The following FXR1 variants were observed in gnomAD, a reference collection of about 807,000 sequenced individuals.
FXR1 encodes the protein FMR1 autosomal homolog 1, also known as RNA-binding protein FXR1.
Under a neutral mutation model 84.0 loss-of-function variants are expected in FXR1, and 15 were observed. That is an observed-to-expected ratio of 0.18 (90% confidence interval 0.12 to 0.27). The LOEUF is 0.27. FXR1 is among the 10% of genes least tolerant of loss of function. The pLI is 1.00. For synonymous variants in FXR1, 245 were observed against 250.7 expected (o/e 0.98, Z 0.21); for missense variants, 480 against 774.4 (o/e 0.62, Z 4.51).
intron 1 of FXR1, among the ~76,000 whole-genome samples, chr3:180,922,645 C>T (rs961823720): frequency 3.9e-5 from 6 of 152,142 alleles, no homozygotes; most frequent in Non-Finnish European, 7.3e-5. Context: ...ATAAATAATA[C>T]TGTGTCACCC....
chr3:180,935,359 A>G, intron 3 of FXR1, 128 bp downstream of exon 3: 1 of 597,728 alleles, frequency 1.7e-6, no homozygotes, highest in Non-Finnish European at 3.0e-6. Flanking sequence ...TATTGGTGGT[A>G]ATAGCTGTGT....
chr3:180,916,797 G>C (rs1238694139), intron 1 of FXR1, among the ~76,000 whole-genome samples: 1 of 152,120 alleles, frequency 6.6e-6, no homozygotes, highest in East Asian at 1.9e-4. Flanking sequence ...GAACCTGTAA[G>C]CTCTGAGATT....
chr3:180,925,854 T>C (rs1336024777), intron 1 of FXR1, among the ~76,000 whole-genome samples: 3 of 152,230 alleles, frequency 2.0e-5, no homozygotes, highest in African/African-American at 7.2e-5. Flanking sequence ...GCATGAATTA[T>C]GTTAGTACCT....
At chr3:180,964,673 T>TTATACA (rs1553777576) in intron 13 of FXR1, among the ~76,000 whole-genome samples, 1 of 136,356 alleles carries the variant, frequency 7.3e-6, no homozygotes, top group East Asian at 2.1e-4. Flanking sequence ...TGTAGTTGAT[T>TTATACA]TATATATATA....
At chr3:180,970,091 T>A in intron 14 of FXR1, 67 bp from the exon 15 acceptor site, 1 of 832,290 alleles carries the variant, frequency 1.2e-6, no homozygotes, top group Non-Finnish European at 2.1e-6. Flanking sequence ...TATAGTTCAA[T>A]ATAGATCAAA....
chr3:180,935,268 T>C, intron 3 of FXR1, 37 bp downstream of exon 3: 2 of 915,250 alleles, frequency 2.2e-6, no homozygotes, highest in Non-Finnish European at 3.6e-6. Context: ...GTGTCTATTT[T>C]TTTGATTTAA....
At chr3:180,930,615 A>T (rs1576914402) in intron 1 of FXR1, among the ~76,000 whole-genome samples, 1 of 152,316 alleles carries the variant, frequency 6.6e-6, no homozygotes, top group Non-Finnish European at 1.5e-5. Context: ...GATGGAAGAG[A>T]TGCTTTACTA....
At chr3:180,950,034 G>A (rs1347236167) in intron 7 of FXR1, among the ~76,000 whole-genome samples, 1 of 152,164 alleles carries the variant, frequency 6.6e-6, no homozygotes, top group African/African-American at 2.4e-5. Context: ...AGGAGGACTA[G>A]GAGTGAGGCA....
chr3:180,970,385 T>TATATAC lies in FXR1; in HGVS notation c.1603+32_1603+33insCATATA, dbSNP rs1553778960. 10 of 43,696 alleles carry TATATAC rather than the reference T, an allele frequency of 2.3e-4. No homozygotes were observed. The South Asian group carries it at 8.4e-3, about 37-fold the overall frequency. 2.7% of individuals were successfully genotyped at this position (43,696 alleles called of 1,614,324 possible). ...TATGTAAGCACTTAGGGAAGAGAAA[T>TATATAC]ATATATATATATATATATATATATA... is the stretch of plus-strand genomic sequence containing the variant. On this transcript the variant is annotated intron_variant, in intron 15 of 16. Coordinates refer to ENST00000357559, the MANE Select transcript of FXR1 (RefSeq NM_005087.4).
In FXR1 at chr3:180,949,359, T is replaced by TA; in HGVS notation, c.630+17dup. 3 of 1,122,846 alleles carry TA rather than the reference T, an allele frequency of 2.7e-6. No individual in the cohort carries two copies. Among genetic ancestry groups the TA allele is most frequent in the Admixed American group, 3.4e-5 (2 of 59,448 alleles). 69.6% of individuals were successfully genotyped at this position (1,122,846 alleles called of 1,614,324 possible). A position where few individuals can be genotyped will look rare whatever the true frequency, so the allele number is the denominator to read the frequency against. ...GCATTTAGAAGTAAGTGGGTTTACT[T>TA]ACAAAAGAGTTTTCTGTGTCCCATT... is the stretch of plus-strand genomic sequence containing the variant. On this transcript the variant is annotated intron_variant, in intron 7 of 16. Transcript: ENST00000357559.
In FXR1 at chr3:180,951,800, G is replaced by A. The variant is rs187019877; in HGVS notation, c.801+332G>A. On this transcript the variant is annotated intron_variant, in intron 8 of 16. Coordinates refer to ENST00000357559, the MANE Select transcript of FXR1 (RefSeq NM_005087.4). ...TACTGTGTGCCAGGCACTGGCAGGA[G>A]TAAATGGCATATATTAGAATAGCTT... is the stretch of plus-strand genomic sequence containing the variant. Among the ~76,000 whole-genome samples, 25 of 152,340 alleles carry A rather than the reference G, an allele frequency of 1.6e-4. No homozygotes were observed. The South Asian group carries it at 4.1e-3, about 25-fold the overall frequency.
intron 8 of FXR1, among the ~76,000 whole-genome samples, chr3:180,953,043 A>G (rs750757646): frequency 5.9e-5 from 9 of 152,032 alleles, no homozygotes; most frequent in Non-Finnish European, 1.0e-4. Flanking sequence ...GAGGTTTCCT[A>G]TGTTGCCCAG....
intron 3 of FXR1, among the ~76,000 whole-genome samples, chr3:180,947,270 C>T (rs1243565785): frequency 1.3e-5 from 2 of 152,188 alleles, no homozygotes; most frequent in East Asian, 3.9e-4. Flanking sequence ...TTGTCTCGAA[C>T]TCCTGACCTC....
intron 5 of FXR1, 23 bp downstream of exon 5, chr3:180,948,518 G>A: frequency 6.6e-7 from 1 of 1,516,630 alleles, no homozygotes; most frequent in Non-Finnish European, 9.1e-7. Flanking sequence ...ATATACTATT[G>A]AATTGTTCTG....
At position 180,976,810 on chromosome 3, in the gene FXR1, A is replaced by G. The variant is rs1246385891; in HGVS notation, c.*518A>G. ...ATGCTGTATGTAGAGGAAAATCTGC[A>G]GACCACTGGAATACATTTGTTAAAC... On this transcript the variant is annotated 3_prime_UTR_variant, in exon 17 of 17. Coordinates refer to ENST00000357559, the MANE Select transcript of FXR1 (RefSeq NM_005087.4). 6.6e-6 allele frequency: 1 copy of G among 152,654 alleles called. No individual in the cohort carries two copies. Among genetic ancestry groups the G allele is most frequent in the Admixed American group, 6.5e-5 (1 of 15,284 alleles). The allele number at this position is 152,654 out of a possible 1,614,324, so 9.5% of individuals were successfully genotyped here. A position where few individuals can be genotyped will look rare whatever the true frequency, so the allele number is the denominator to read the frequency against.
intron 3 of FXR1, among the ~76,000 whole-genome samples, chr3:180,945,468 A>G (rs749442410): frequency 1.3e-5 from 2 of 152,164 alleles, no homozygotes; most frequent in Non-Finnish European, 2.9e-5. Context: ...GTAGTGGTAC[A>G]ATCTTGGCTC....
At chr3:180,947,491 A>G (rs912676131) in intron 3 of FXR1, among the ~76,000 whole-genome samples, 1 of 152,226 alleles carries the variant, frequency 6.6e-6, no homozygotes, top group Non-Finnish European at 1.5e-5. Flanking sequence ...GATGGAATTT[A>G]AAAATTACGT....
chr3:180,930,958 G>A (rs1365729910), intron 1 of FXR1, among the ~76,000 whole-genome samples: 1 of 146,974 alleles, frequency 6.8e-6, no homozygotes, highest in African/African-American at 2.5e-5. Flanking sequence ...GAGCCAGGGA[G>A]GTGGAGGTTG....
chr3:180,952,548 G>A (rs959288450), intron 8 of FXR1, among the ~76,000 whole-genome samples: 4 of 151,272 alleles, frequency 2.6e-5, no homozygotes, highest in Non-Finnish European at 4.4e-5. Flanking sequence ...CAGAGAGCAA[G>A]GTCCTGTCTT....
Sources: allele counts gnomAD v4.1 joint callset (sites outside exome capture counted in the v4.1 genomes callset), GRCh38; gene constraint gnomAD v4.1.1; transcripts MANE v1.5; gene names NCBI Gene and HGNC (gene_info 2026-07-23, HGNC 2026-07-21).